The following NELFA variants were observed in gnomAD, a reference collection of about 807,000 sequenced individuals.
The protein encoded by NELFA is negative elongation factor complex member A.
NELFA carries 35 observed loss-of-function variants against 51.8 expected under a neutral mutation model. The observed-to-expected ratio is 0.68, with a 90% confidence interval of 0.52 to 0.90. The LOEUF (loss-of-function observed/expected upper bound fraction) is 0.90, where lower values mean the gene tolerates loss of function less well. NELFA is among the 40% of genes least tolerant of loss of function. The pLI, the probability that NELFA is intolerant of heterozygous loss-of-function variation, is 0.00. For missense variants in NELFA, 658 were observed against 746.4 expected, an observed-to-expected ratio of 0.88 and a Z score of 1.38; for synonymous variants, 417 against 338.4, an observed-to-expected ratio of 1.23 and a Z score of -2.55.
chr4:1,985,522 TGAG>T (rs750101426), intron 7 of NELFA, among the ~76,000 whole-genome samples: 33 of 152,104 alleles, frequency 2.2e-4, no homozygotes, highest in Non-Finnish European at 4.1e-4. Flanking sequence ...GGCACAGGGT[TGAG>T]GAGGACTCCC....
rs903131442 is a variant in NELFA, at chr4:1,982,787, A to G, written c.*532T>C. 6.6e-6 allele frequency: 1 copy of G among 152,562 alleles called. No individual in the cohort carries two copies. The highest frequency in any genetic ancestry group is 2.4e-5 in the African/African-American group (1 of 41,438). 9.5% of individuals were successfully genotyped at this position (152,562 alleles called of 1,614,324 possible). On this transcript the variant is annotated 3_prime_UTR_variant, in exon 11 of 11. Coordinates refer to ENST00000382882, the MANE Select transcript of NELFA (RefSeq NM_005663.5). ...TTACAATGAAAATAGGTACCCAAAG[A>G]CTGTCTTAAATGTCCACAACTATAC...
At position 1,983,586 on chromosome 4, in the gene NELFA, A is replaced by T. The variant is rs1230980197; in HGVS notation, c.1402+10T>A. The T allele has an allele frequency of 5.6e-6, 9 of 1,613,820 alleles. No homozygotes were observed. Among genetic ancestry groups the T allele is most frequent in the African/African-American group, 4.0e-5 (3 of 75,042 alleles). ...CCGGTGCACCCCCAGGCCCTGCCTT[A>T]TGAACATACCTCGGGAGCCGGCCAT... On this transcript the variant is annotated intron_variant, in intron 10 of 10. Coordinates refer to ENST00000382882, the MANE Select transcript of NELFA (RefSeq NM_005663.5).
chr4:1,989,952 A>C lies in NELFA; in HGVS notation c.383-83T>G, dbSNP rs1577617677. Reference sequence around the variant, plus strand: ...GAGGAGCTGGCGGCTGCCCAGCCCCACACCCTCCTCAGTTAGGGTTAGGTC... The same window carrying C: ...GAGGAGCTGGCGGCTGCCCAGCCCCCCACCCTCCTCAGTTAGGGTTAGGTC... On this transcript the variant is annotated intron_variant, in intron 2 of 10. Transcript: ENST00000382882. This position sits in a 1 kb window ranked among gnomAD's most constrained non-coding sequence, Gnocchi z 4.8. 1 of 1,512,888 alleles carries C rather than the reference A, an allele frequency of 6.6e-7. No individual in the cohort carries two copies. The highest frequency in any genetic ancestry group is 2.3e-5 in the East Asian group (1 of 44,266). 93.7% of individuals were successfully genotyped at this position (1,512,888 alleles called of 1,614,324 possible).
rs550202026 is a variant in NELFA at position 1,997,247 on chromosome 4, A to G, written c.211-5532T>C. On this transcript the variant is annotated intron_variant, in intron 1 of 10. Coordinates refer to ENST00000382882, the MANE Select transcript of NELFA (RefSeq NM_005663.5). ...TTTAGGAAGAAATCACTCCATTAGT[A>G]AACAAACTTTCCAAAGAAAAAGAAA... Among the ~76,000 whole-genome samples the G allele has an allele frequency of 1.4e-4, 21 of 152,356 alleles. No individual in the cohort carries two copies. In the South Asian group the frequency reaches 3.3e-3, roughly 24 times the overall value.
At chr4:1,987,368 C>T (rs1728136219) in intron 4 of NELFA, 1 of 152,738 alleles carries the variant, frequency 6.5e-6, no homozygotes, top group Non-Finnish European at 1.5e-5. Flanking sequence ...ACGCCGTCTT[C>T]CTGTGATCAG....
intron 1 of NELFA, chr4:2,003,856 T>A (rs1308564): frequency 0.25 from 36,083 of 146,968 alleles, 4,530 homozygotes; most frequent in East Asian, 0.31. Context: ...TTTTTTTTTT[T>A]AAAGAAGAAA....
rs1446644319 is a variant in NELFA at position 1,989,794 on chromosome 4, G to A, written c.458C>T (p.Ala153Val). 8 of 1,614,130 alleles carry A rather than the reference G, an allele frequency of 5.0e-6. No individual in the cohort carries two copies. The highest frequency in any genetic ancestry group is 2.2e-5 in the East Asian group (1 of 44,888). Residue 153 changes from alanine to valine, a missense_variant, in exon 3 of 11, where the codon GCG becomes GTG. Physicochemically the swap from Ala to Val is moderately conservative, Grantham distance 64 (BLOSUM62 0). Coordinates refer to ENST00000382882, the MANE Select transcript of NELFA (RefSeq NM_005663.5). The surrounding 1 kb of genome is among the most constrained non-coding windows in gnomAD (Gnocchi z 4.8). ...CTTCACCGGGGGAGTGAGGGGTCCC[G>A]CGAGGGTCGTCAGGGCGTTTTTGTT... Reference protein sequence around the residue: ...YLNKNALTTLAGPLTPPVKHF... With the variant: ...YLNKNALTTLVGPLTPPVKHF...
intron 1 of NELFA, among the ~76,000 whole-genome samples, chr4:1,996,321 T>C (rs1170172571): frequency 6.6e-6 from 1 of 152,210 alleles, no homozygotes; most frequent in Non-Finnish European, 1.5e-5. Context: ...TAAAAAATAG[T>C]GTGACGATAC....
intron 8 of NELFA, among the ~76,000 whole-genome samples, chr4:1,984,466 C>T (rs992602952): frequency 3.3e-5 from 5 of 152,240 alleles, no homozygotes; most frequent in East Asian, 1.9e-4. Context: ...CAGTGCCCTC[C>T]GTCTGGGAGG....
Position 1,989,551 on chromosome 4 carries a change from T to C in NELFA, c.544+157A>G, listed in dbSNP as rs1476810416. On this transcript the variant is annotated intron_variant, in intron 3 of 10. Coordinates refer to ENST00000382882, the MANE Select transcript of NELFA (RefSeq NM_005663.5). This position sits in a 1 kb window ranked among gnomAD's most constrained non-coding sequence, Gnocchi z 4.8. ...CTTGGCTGGTCTCAAACTCCTGGGC[T>C]CAAACGACCCACCTGCCCCAGCCTC... 6.6e-6 allele frequency among the ~76,000 whole-genome samples: 1 copy of C among 151,888 alleles called. No individual in the cohort carries two copies. The highest frequency in any genetic ancestry group is 6.6e-5 in the Admixed American group (1 of 15,248).
intron 1 of NELFA, among the ~76,000 whole-genome samples, chr4:1,996,946 A>T (rs942461591): frequency 6.6e-6 from 1 of 151,450 alleles, no homozygotes. Context: ...CTCTACAAAA[A>T]ATTTAAAAAA....
At chr4:1,994,989 G>A (rs1728384149) in intron 1 of NELFA, among the ~76,000 whole-genome samples, 1 of 152,228 alleles carries the variant, frequency 6.6e-6, no homozygotes, top group Admixed American at 6.5e-5. Flanking sequence ...TGGGCCATGG[G>A]GCACCTGGAC....
rs1258629069 is a variant in NELFA at position 1,983,259 on chromosome 4, T to G, written c.*60A>C. The G allele has an allele frequency of 1.9e-5, 29 of 1,538,914 alleles. No homozygotes were observed. The highest frequency in any genetic ancestry group is 3.5e-4 in the Middle Eastern group (2 of 5,744). Reference sequence around the variant, plus strand: ...TGTCCGCCATCCGGTTACTTTAAGCTGGCAAAGCCATCGTCCCGTGGACCC... The same window carrying G: ...TGTCCGCCATCCGGTTACTTTAAGCGGGCAAAGCCATCGTCCCGTGGACCC... On this transcript the variant is annotated 3_prime_UTR_variant, in exon 11 of 11. Transcript: ENST00000382882.
At chr4:1,990,966 A>G (rs1463192037) in intron 2 of NELFA, among the ~76,000 whole-genome samples, 2 of 151,976 alleles carry the variant, frequency 1.3e-5, no homozygotes, top group Non-Finnish European at 2.9e-5. Context: ...ACGCCCACCT[A>G]ATTTTTATTT....
At chr4:1,990,623 T>TGC in intron 2 of NELFA, 1 of 416,726 alleles carries the variant, frequency 2.4e-6, no homozygotes, top group South Asian at 1.7e-5. Context: ...TGCAGGAGTG[T>TGC]GCAGCCTCGA....
At chr4:1,991,410 TAC>T (rs1214965764) in intron 2 of NELFA, 132 bp downstream of exon 2, 1 of 901,014 alleles carries the variant, frequency 1.1e-6, no homozygotes, top group African/African-American at 1.7e-5. Flanking sequence ...ATGGTGCATA[TAC>T]AGTTAATATT....
chr4:1,984,949 G>A (rs1267682688), intron 7 of NELFA, 30 bp from the exon 8 acceptor site: 1 of 1,495,404 alleles, frequency 6.7e-7, no homozygotes, highest in Non-Finnish European at 9.1e-7. Context: ...GTTCCTTCCA[G>A]AAGAGGCCAT....
chr4:2,004,178 A>C (rs982773713), intron 1 of NELFA: 1 of 152,126 alleles, frequency 6.6e-6, no homozygotes, highest in African/African-American at 2.4e-5. Context: ...AAAAAAAAGA[A>C]GAAGAAGAAA....
At position 1,983,219 on chromosome 4, in the gene NELFA, A is replaced by C. The variant is rs1577607821; in HGVS notation, c.*100T>G. On this transcript the variant is annotated 3_prime_UTR_variant, in exon 11 of 11. Coordinates refer to ENST00000382882, the MANE Select transcript of NELFA (RefSeq NM_005663.5). Reference sequence around the variant, plus strand: ...TCAGCAGCAGGGCGGCGGCCGGGGGACCTCGGGGGCCAGGTGTCCGCCATC... The same window carrying C: ...TCAGCAGCAGGGCGGCGGCCGGGGGCCCTCGGGGGCCAGGTGTCCGCCATC... 1.6e-6 allele frequency: 2 copies of C among 1,250,948 alleles called. No individual in the cohort carries two copies. The highest frequency in any genetic ancestry group is 2.2e-6 in the Non-Finnish European group (2 of 902,584). 77.5% of individuals were successfully genotyped at this position (1,250,948 alleles called of 1,614,324 possible).
Sources: allele counts gnomAD v4.1 joint callset (sites outside exome capture counted in the v4.1 genomes callset), GRCh38; gene constraint gnomAD v4.1.1; non-coding constraint Gnocchi (gnomAD v3.1); transcripts MANE v1.5; gene names NCBI Gene and HGNC (gene_info 2026-07-23, HGNC 2026-07-21).